CADPS: variants seen among roughly 807,000 people sequenced by gnomAD.
CADPS encodes the protein calcium dependent secretion activator, also known as calcium-dependent secretion activator 1.
A neutral mutation model predicts 167.3 loss-of-function variants in CADPS; 57 were observed. The ratio of observed to expected loss-of-function variants is 0.34; its 90% CI spans 0.28 to 0.42. The LOEUF is 0.42. Ranked by LOEUF, CADPS falls within the 20% of genes least tolerant of loss-of-function variation. The pLI is 1.00. For missense variants in CADPS, 1,414 were observed against 1,738.1 expected (o/e 0.81, Z 3.32); for synonymous variants, 676 against 635.3 (o/e 1.06, Z -0.96).
intron 6 of CADPS, among the ~76,000 whole-genome samples, chr3:62,617,222 C>A (rs965718599): frequency 2.6e-5 from 4 of 151,914 alleles, no homozygotes; most frequent in African/African-American, 7.3e-5. Context: ...ACACAATGAG[C>A]CAATAAATGA....
rs1359187750 is a variant in CADPS, at chr3:62,474,275, T to C, written c.3375A>G (p.Ser1125=). Residue 1125 remains serine, a synonymous_variant, in exon 24 of 30, where the codon TCA becomes TCG. Transcript: ENST00000383710. ...TTGACTGTGGGACTCGAAAATCTGTTGATCGACTGGTTTTTTGCAGCTTAA... is the reference window on the plus strand; with the variant it reads ...TTGACTGTGGGACTCGAAAATCTGTCGATCGACTGGTTTTTTGCAGCTTAA... ...FEVKLQKTSR[S]TDFRVPQSIC... 1.2e-6 allele frequency: 2 copies of C among 1,612,426 alleles called. No individual in the cohort carries two copies. The highest frequency in any genetic ancestry group is 1.7e-6 in the Non-Finnish European group (2 of 1,179,636).
chr3:62,580,462 G>A (rs535594977), intron 8 of CADPS, among the ~76,000 whole-genome samples: 5 of 152,172 alleles, frequency 3.3e-5, no homozygotes, highest in Middle Eastern at 6.8e-3. Flanking sequence ...GGGAGGGATA[G>A]CATTAGGAGA....
intron 29 of CADPS, among the ~76,000 whole-genome samples, chr3:62,402,250 G>GT (rs1491049141): frequency 8.2e-6 from 1 of 122,050 alleles, no homozygotes; most frequent in African/African-American, 3.2e-5. Flanking sequence ...GGGGGGGGGG[G>GT]GTGCCCAGGA....
rs2063724030 is a variant in CADPS, at chr3:62,491,558, A to AAACAC, written c.2885-79_2885-78insGTGTT. Reference sequence around the variant, plus strand: ...TACAACACACACACACACACACACAAACACACACACACACACACACACACA... The same window carrying AAACAC: ...TACAACACACACACACACACACACAAAACACACACACACACACACACACACACACA... On this transcript the variant is annotated intron_variant, in intron 20 of 29. Transcript: ENST00000383710. The AAACAC allele has an allele frequency of 2.1e-3, 1,127 of 526,648 alleles. 1 individual carries two copies. Among genetic ancestry groups the AAACAC allele is most frequent in the South Asian group, 9.8e-3 (320 of 32,758 alleles). 32.6% of individuals were successfully genotyped at this position (526,648 alleles called of 1,614,324 possible).
chr3:62,550,934 G>GGCT (rs1191065839), intron 10 of CADPS: 1 of 456,648 alleles, frequency 2.2e-6, no homozygotes, highest in Non-Finnish European at 4.4e-6. Flanking sequence ...CTACCATCCT[G>GGCT]GCTGCTGCTC....
At chr3:62,504,397 T>C (rs968458265) in intron 17 of CADPS, among the ~76,000 whole-genome samples, 1 of 152,242 alleles carries the variant, frequency 6.6e-6, no homozygotes, top group Non-Finnish European at 1.5e-5. Context: ...TTTCAGTGAA[T>C]GCATGTTACC....
At chr3:62,429,187 G>T (rs1316932280) in intron 28 of CADPS, among the ~76,000 whole-genome samples, 1 of 152,124 alleles carries the variant, frequency 6.6e-6, no homozygotes, top group Non-Finnish European at 1.5e-5. Flanking sequence ...CTCATTGTGA[G>T]TTGGGGCAAA....
intron 2 of CADPS, 93 bp downstream of exon 2, chr3:62,765,778 A>G: frequency 1.4e-6 from 1 of 710,588 alleles, no homozygotes. Context: ...TACTGTAGTA[A>G]ACCAAAACGA....
At chr3:62,675,966 T>C (rs2076276635) in intron 3 of CADPS, among the ~76,000 whole-genome samples, 1 of 149,024 alleles carries the variant, frequency 6.7e-6, no homozygotes, top group Admixed American at 6.8e-5. Context: ...TCCTCCCCAA[T>C]TACTGTAAAA....
In CADPS at chr3:62,420,860, G is replaced by A. The variant is rs1262284965; in HGVS notation, c.3777+17244C>T. 9.3e-6 allele frequency among the ~76,000 whole-genome samples: 1 copy of A among 107,792 alleles called. No individual in the cohort carries two copies. Among genetic ancestry groups the A allele is most frequent in the Non-Finnish European group, 1.9e-5 (1 of 54,022 alleles). The allele number at this position is 107,792 out of a possible 152,430, so 70.7% of individuals were successfully genotyped here. ...TTTTTCTCTTTATGGGAGGGAGAAC[G>A]AACACACACACACACACACACACAC... On this transcript the variant is annotated intron_variant, in intron 28 of 29. Transcript: ENST00000383710. The surrounding 1 kb of genome is among the most constrained non-coding windows in gnomAD (Gnocchi z 4.1).
At chr3:62,769,036 A>G (rs961048336) in intron 1 of CADPS, among the ~76,000 whole-genome samples, 37 of 151,958 alleles carry the variant, frequency 2.4e-4, no homozygotes, top group African/African-American at 8.5e-4. Context: ...TATTTACTCA[A>G]CTCACTAGCC....
intron 4 of CADPS, among the ~76,000 whole-genome samples, chr3:62,656,225 C>T (rs1055799490): frequency 6.6e-6 from 1 of 152,124 alleles, no homozygotes; most frequent in Non-Finnish European, 1.5e-5. Flanking sequence ...ACCACCACTA[C>T]AAACAACAAT....
chr3:62,856,479 A>G (rs6799377), intron 1 of CADPS, among the ~76,000 whole-genome samples: 2,722 of 152,196 alleles, frequency 0.018, 81 homozygotes, highest in African/African-American at 0.061. Flanking sequence ...TTATTTTAAA[A>G]CTGATAAAAT....
At chr3:62,670,783 C>A (rs1287076933) in intron 3 of CADPS, among the ~76,000 whole-genome samples, 2 of 152,204 alleles carry the variant, frequency 1.3e-5, no homozygotes, top group African/African-American at 4.8e-5. Flanking sequence ...ATGACCTCCC[C>A]TCTTCTTTTC....
chr3:62,425,712 A>G (rs1234835670), intron 28 of CADPS, among the ~76,000 whole-genome samples: 1 of 152,222 alleles, frequency 6.6e-6, no homozygotes, highest in Non-Finnish European at 1.5e-5. Context: ...GGTTGAAGCC[A>G]TCCTTTGTTT....
intron 1 of CADPS, among the ~76,000 whole-genome samples, chr3:62,857,307 G>A (rs1451561355): frequency 2.0e-5 from 3 of 152,042 alleles, no homozygotes; most frequent in Non-Finnish European, 2.9e-5. Flanking sequence ...ACTCACTCAT[G>A]CTCCACTAGT....
chr3:62,399,313 G>T lies in CADPS; in HGVS notation c.*93C>A. Reference sequence around the variant, plus strand: ...TGATAAACATCTCATGGGCATGGTAGTTGACAGAAAATTCCTAATGGGTTT... The same window carrying T: ...TGATAAACATCTCATGGGCATGGTATTTGACAGAAAATTCCTAATGGGTTT... On this transcript the variant is annotated 3_prime_UTR_variant, in exon 30 of 30. Coordinates refer to ENST00000383710, the MANE Select transcript of CADPS (RefSeq NM_003716.4). This position sits in a 1 kb window ranked among gnomAD's most constrained non-coding sequence, Gnocchi z 5.6. 1.6e-6 allele frequency: 2 copies of T among 1,218,994 alleles called. No individual in the cohort carries two copies. Among genetic ancestry groups the T allele is most frequent in the East Asian group, 2.4e-5 (1 of 42,394 alleles). The allele number at this position is 1,218,994 out of a possible 1,614,324, so 75.5% of individuals were successfully genotyped here.
chr3:62,482,697 G>A (rs2062184070), intron 21 of CADPS, among the ~76,000 whole-genome samples: 1 of 152,158 alleles, frequency 6.6e-6, no homozygotes, highest in Non-Finnish European at 1.5e-5. Flanking sequence ...AGTTACCCTT[G>A]GAAGTGGGAC....
At chr3:62,498,104 G>C (rs1449975220) in intron 18 of CADPS, 1 of 456,398 alleles carries the variant, frequency 2.2e-6, no homozygotes, top group African/African-American at 2.0e-5. Flanking sequence ...CATGCACAAA[G>C]TATGACAGCA....
Sources: gnomAD v4.1 joint callset for allele counts (sites outside exome capture counted in the v4.1 genomes callset) on GRCh38, gnomAD v4.1.1 for gene constraint, Gnocchi (gnomAD v3.1) non-coding constraint, MANE v1.5 for transcripts, NCBI Gene and HGNC (gene_info 2026-07-23, HGNC 2026-07-21) for gene names.